CMIP: variants seen among roughly 807,000 people sequenced by gnomAD.
The protein encoded by CMIP is C-Maf-inducing protein.
In CMIP, 13 loss-of-function variants were observed where a neutral mutation model predicts 97.3. The ratio of observed to expected loss-of-function variants is 0.13; its 90% CI spans 0.09 to 0.21. The LOEUF is 0.21. Among genes scored for constraint, CMIP ranks in the 10% least tolerant of loss-of-function variants. The pLI is 1.00. For synonymous variants in CMIP, 538 were observed against 436.3 expected (o/e 1.23, Z -2.91); for missense variants, 847 against 1,024.9 (o/e 0.83, Z 2.37).
At chr16:81,450,301 G>T (rs1316806546) in intron 1 of CMIP, among the ~76,000 whole-genome samples, 1 of 152,216 alleles carries the variant, frequency 6.6e-6, no homozygotes, top group Non-Finnish European at 1.5e-5. Flanking sequence ...CTGATATGGG[G>T]CATCTCCTCT....
At chr16:81,535,843 A>G (rs1294913469) in intron 1 of CMIP, among the ~76,000 whole-genome samples, 2 of 152,084 alleles carry the variant, frequency 1.3e-5, no homozygotes, top group Non-Finnish European at 2.9e-5. Context: ...AAAGTTTTGC[A>G]CTTGAGCATT....
chr16:81,488,246 T>C (rs2089350631), intron 1 of CMIP, among the ~76,000 whole-genome samples: 1 of 152,132 alleles, frequency 6.6e-6, no homozygotes, highest in South Asian at 2.1e-4. Context: ...TAAGGGCTCA[T>C]ATTCCAGAGC....
At chr16:81,491,782 C>T (rs538673142) in intron 1 of CMIP, among the ~76,000 whole-genome samples, 43 of 152,316 alleles carry the variant, frequency 2.8e-4, no homozygotes, top group African/African-American at 9.1e-4. Flanking sequence ...TTGCTTGTAT[C>T]GATTTTCCAC....
At chr16:81,551,951 T>G (rs2090666768) in intron 1 of CMIP, among the ~76,000 whole-genome samples, 1 of 152,250 alleles carries the variant, frequency 6.6e-6, no homozygotes, top group African/African-American at 2.4e-5. Flanking sequence ...CCATGGACGC[T>G]GTTCCCCACC....
At chr16:81,583,492 A>C (rs2091330571) in intron 1 of CMIP, among the ~76,000 whole-genome samples, 2 of 152,206 alleles carry the variant, frequency 1.3e-5, no homozygotes, top group South Asian at 4.1e-4. Context: ...AGTCATTGGG[A>C]ATACTTGACC....
intron 1 of CMIP, among the ~76,000 whole-genome samples, chr16:81,525,847 G>A (rs945302684): frequency 3.9e-5 from 6 of 152,268 alleles, no homozygotes; most frequent in South Asian, 2.1e-4. Flanking sequence ...TAGGAACCTC[G>A]TATGAGTGGA....
intron 9 of CMIP, among the ~76,000 whole-genome samples, chr16:81,672,995 A>G (rs1040506863): frequency 6.6e-6 from 1 of 152,244 alleles, no homozygotes; most frequent in Admixed American, 6.5e-5. Context: ...GTACAAGTAA[A>G]TGTGCAAGAT....
At chr16:81,705,787 C>T (rs1317565600) in intron 19 of CMIP, among the ~76,000 whole-genome samples, 183 bp downstream of exon 19, 1 of 152,258 alleles carries the variant, frequency 6.6e-6, no homozygotes, top group African/African-American at 2.4e-5. Flanking sequence ...AGGAACAACA[C>T]AGGGAAAAAT....
chr16:81,471,019 C>T (rs918624789), intron 1 of CMIP, among the ~76,000 whole-genome samples: 6 of 151,932 alleles, frequency 3.9e-5, no homozygotes, highest in Admixed American at 2.0e-4. Flanking sequence ...CACATGTGCG[C>T]ACAAACATGT....
At chr16:81,619,646 G>C (rs1056418953) in intron 2 of CMIP, 4 of 152,252 alleles carry the variant, frequency 2.6e-5, no homozygotes, top group Non-Finnish European at 5.9e-5. Context: ...GGGGTGGAGG[G>C]GTAGCCAATG....
intron 6 of CMIP, 54 bp downstream of exon 6, chr16:81,661,000 C>A: frequency 6.2e-7 from 1 of 1,605,522 alleles, no homozygotes; most frequent in East Asian, 2.2e-5. Flanking sequence ...TCCCTCTGTG[C>A]GCATACCAGG....
chr16:81,623,146 G>T (rs2092015123), intron 3 of CMIP, among the ~76,000 whole-genome samples: 2 of 152,282 alleles, frequency 1.3e-5, no homozygotes, highest in Non-Finnish European at 2.9e-5. Context: ...GGAGGTTGTA[G>T]TGAGCCAAGA....
At chr16:81,596,959 G>A (rs1217027368) in intron 1 of CMIP, among the ~76,000 whole-genome samples, 1 of 152,212 alleles carries the variant, frequency 6.6e-6, no homozygotes, top group African/African-American at 2.4e-5. Flanking sequence ...AGTTTGTGTA[G>A]GTCATCTATG....
chr16:81,517,998 G>T (rs1316639087), intron 1 of CMIP: 5 of 736,932 alleles, frequency 6.8e-6, no homozygotes, highest in Non-Finnish European at 6.6e-6. Context: ...AGTGACGGGG[G>T]TCCCTTTGCA....
rs930971006 is a variant in CMIP at position 81,686,596 on chromosome 16, C to G, written c.1389-5179C>G. On this transcript the variant is annotated intron_variant, in intron 10 of 20. Coordinates refer to ENST00000537098, the MANE Select transcript of CMIP (RefSeq NM_198390.3). Reference sequence around the variant, plus strand: ...GACTTATCTCAGGCAACAGGCTTTCCTGGTCATTCTTTTCTCCGCGTCTGG... The same window carrying G: ...GACTTATCTCAGGCAACAGGCTTTCGTGGTCATTCTTTTCTCCGCGTCTGG... Among the ~76,000 whole-genome samples the G allele has an allele frequency of 5.3e-5, 8 of 152,190 alleles. 1 individual carries two copies. Among genetic ancestry groups the G allele is most frequent in the Admixed American group, 4.6e-4 (7 of 15,278 alleles).
At chr16:81,703,441 A>G (rs1907641340) in intron 17 of CMIP, among the ~76,000 whole-genome samples, 2 of 152,038 alleles carry the variant, frequency 1.3e-5, no homozygotes, top group Non-Finnish European at 2.9e-5. Flanking sequence ...CCCAGGAGTG[A>G]GGCAGCCAGT....
chr16:81,611,435 C>G (rs919606052), intron 2 of CMIP: 3 of 152,402 alleles, frequency 2.0e-5, no homozygotes, highest in Non-Finnish European at 2.9e-5. Flanking sequence ...TGGCGGGGCC[C>G]AAAGAGGGCT....
chr16:81,518,803 G>A (rs2089965059), intron 1 of CMIP: 1 of 151,640 alleles, frequency 6.6e-6, no homozygotes, highest in Non-Finnish European at 1.5e-5. Context: ...TTCAAGACCA[G>A]CCTGGGGCAA....
rs528575845 is a variant in CMIP at position 81,647,656 on chromosome 16, C to G, written c.478-4547C>G. The stretch of plus-strand genomic sequence containing the variant: ...GAAGACCATATTGCAAAGCTGAGGG[C>G]CAGCCTCCAGGGAGCCTGGAGCAGG... On this transcript the variant is annotated intron_variant, in intron 3 of 20. Transcript: ENST00000537098. 2.0e-3 allele frequency among the ~76,000 whole-genome samples: 303 copies of G among 152,240 alleles called. 1 individual carries two copies. The highest frequency in any genetic ancestry group is 6.9e-3 in the African/African-American group (287 of 41,540).
Sources: gnomAD v4.1 joint callset for allele counts (sites outside exome capture counted in the v4.1 genomes callset) on GRCh38, gnomAD v4.1.1 for gene constraint, MANE v1.5 for transcripts, NCBI Gene and HGNC (gene_info 2026-07-23, HGNC 2026-07-21) for gene names.